TOP6BL: variants seen among roughly 807,000 people sequenced by gnomAD.
TOP6BL encodes TOP6B like initiator of meiotic double strand breaks, also known as type 2 DNA topoisomerase 6 subunit B-like.
chr11:66,842,947 G>A, the TOP6BL span: 8,052 of 1,556,148 alleles, frequency 5.2e-3, 38 homozygotes, highest in Admixed American at 6.3e-3. Context: ...GAGCCCGTCA[G>A]AGGCCGCCCC....
chr11:66,776,964 G>T, the TOP6BL span, among the ~76,000 whole-genome samples: 1 of 152,030 alleles, frequency 6.6e-6, no homozygotes, highest in Admixed American at 6.6e-5. Context: ...GGGACAGAAG[G>T]ATAGTTTGGC....
the TOP6BL span, chr11:66,838,526 C>G: frequency 1.0e-5 from 13 of 1,293,374 alleles, no homozygotes; most frequent in Admixed American, 2.5e-4. Context: ...CAAACTATTC[C>G]ACTGTACCTT....
At chr11:66,843,329 TCTTCCGCGTCTG>T in the TOP6BL span, 23 of 1,496,754 alleles carry the variant, frequency 1.5e-5, no homozygotes, top group East Asian at 7.6e-5. Context: ...CACCAAGTCC[TCTTCCGCGTCTG>T]CTTCCGCGTC....
chr11:66,793,444 G>GTTTTTTTTTT, the TOP6BL span, among the ~76,000 whole-genome samples: 1 of 97,978 alleles, frequency 1.0e-5, no homozygotes, highest in African/African-American at 3.8e-5. Context: ...TTCTTTTTTT[G>GTTTTTTTTTT]TTTTTTTTTT....
At chr11:66,744,819 G>GGGGGCGGC in the TOP6BL span, 7 of 1,230,504 alleles carry the variant, frequency 5.7e-6, no homozygotes, top group African/African-American at 6.3e-5. Flanking sequence ...GCTGAGGAGG[G>GGGGGCGGC]GGCGGCGGCG....
the TOP6BL span, among the ~76,000 whole-genome samples, chr11:66,838,863 C>T: frequency 1.3e-5 from 2 of 152,206 alleles, no homozygotes; most frequent in African/African-American, 2.4e-5. Context: ...TCCCGAGTAG[C>T]TGGGACCACA....
At chr11:66,809,630 A>G in the TOP6BL span, among the ~76,000 whole-genome samples, 3 of 152,210 alleles carry the variant, frequency 2.0e-5, no homozygotes, top group African/African-American at 7.2e-5. Flanking sequence ...CATACTTATG[A>G]TAAATAATTA....
chr11:66,813,706 C>A, the TOP6BL span: 2 of 624,890 alleles, frequency 3.2e-6, no homozygotes, highest in Non-Finnish European at 5.4e-6. Context: ...GCACTCCAGC[C>A]TGGGCGACAG....
At chr11:66,822,556 T>C in the TOP6BL span, 1 of 1,526,832 alleles carries the variant, frequency 6.5e-7, no homozygotes, top group African/African-American at 1.4e-5. Context: ...ACTTGTTATG[T>C]TCCCCAGGCT....
the TOP6BL span, among the ~76,000 whole-genome samples, chr11:66,835,558 G>T: frequency 6.6e-6 from 1 of 152,046 alleles, no homozygotes; most frequent in Admixed American, 6.6e-5. Context: ...GTACCTATTC[G>T]CAGTGAGTCC....
chr11:66,816,422 A>G, the TOP6BL span, among the ~76,000 whole-genome samples: 1 of 152,240 alleles, frequency 6.6e-6, no homozygotes. Flanking sequence ...AGAAATCAGC[A>G]GATACTTCAT....
At chr11:66,788,238 C>G in the TOP6BL span, 43 of 1,613,514 alleles carry the variant, frequency 2.7e-5, no homozygotes, top group Non-Finnish European at 3.6e-5. Context: ...CAGGATATGA[C>G]AGGGGTAACA....
chr11:66,794,518 T>A, the TOP6BL span, among the ~76,000 whole-genome samples: 6 of 152,296 alleles, frequency 3.9e-5, no homozygotes, highest in East Asian at 1.9e-4. Flanking sequence ...CCTTCATTTT[T>A]AAAAATCCAG....
chr11:66,813,097 A>G, the TOP6BL span, among the ~76,000 whole-genome samples: 2 of 152,180 alleles, frequency 1.3e-5, no homozygotes, highest in African/African-American at 4.8e-5. Flanking sequence ...AGTATACTCA[A>G]ATACTTCCTA....
At chr11:66,762,023 A>C in the TOP6BL span, 1 of 1,516,258 alleles carries the variant, frequency 6.6e-7, no homozygotes, top group South Asian at 1.1e-5. Flanking sequence ...TGAAAGTGAC[A>C]GTGATTTTTT....
chr11:66,800,789 A>G, the TOP6BL span: 9 of 1,202,720 alleles, frequency 7.5e-6, no homozygotes, highest in South Asian at 7.3e-5. Context: ...TCACAGTTTG[A>G]TATCTTGACC....
At chr11:66,770,589 A>G in the TOP6BL span, among the ~76,000 whole-genome samples, 1 of 152,140 alleles carries the variant, frequency 6.6e-6, no homozygotes, top group South Asian at 2.1e-4. Flanking sequence ...CTGTAATCCC[A>G]GCTACTTGGG....
At chr11:66,792,963 A>G in the TOP6BL span, among the ~76,000 whole-genome samples, 8 of 152,242 alleles carry the variant, frequency 5.3e-5, no homozygotes, top group African/African-American at 1.4e-4. Flanking sequence ...AATTTTAAAA[A>G]TGAAGGATGT....
chr11:66,760,209 G>C, the TOP6BL span, among the ~76,000 whole-genome samples: 11 of 151,798 alleles, frequency 7.2e-5, no homozygotes, highest in African/African-American at 2.4e-4. Flanking sequence ...CAGCACTTTG[G>C]GAGGCCAAGG....
Sources: allele counts gnomAD v4.1 joint callset (sites outside exome capture counted in the v4.1 genomes callset), GRCh38; gene constraint gnomAD v4.1.1; transcripts MANE v1.5; gene names NCBI Gene and HGNC (gene_info 2026-07-23, HGNC 2026-07-21).